Variants in FMNL2 observed in about 807,000 individuals in gnomAD.
The protein encoded by FMNL2 is formin like 2.
FMNL2 carries 51 observed loss-of-function variants against 130.2 expected under a neutral mutation model. The ratio of observed to expected loss-of-function variants is 0.39; its 90% CI spans 0.31 to 0.49. FMNL2 has a LOEUF of 0.49. Among genes scored for constraint, FMNL2 ranks in the 20% least tolerant of loss-of-function variants. The pLI is 0.85. For synonymous variants in FMNL2, 465 were observed against 467.1 expected (o/e 1.00, Z 0.06); for missense variants, 977 against 1,316.2 (o/e 0.74, Z 3.99).
At chr2:152,464,544 G>A (rs1039754931) in intron 1 of FMNL2, among the ~76,000 whole-genome samples, 3 of 152,168 alleles carry the variant, frequency 2.0e-5, no homozygotes, top group Non-Finnish European at 2.9e-5. Context: ...ACACGTTCAA[G>A]ATGTTTTCTC....
intron 1 of FMNL2, among the ~76,000 whole-genome samples, chr2:152,403,539 C>T (rs572041510): frequency 1.3e-5 from 2 of 152,128 alleles, no homozygotes; most frequent in South Asian, 2.1e-4. Context: ...CTTCTGTGTC[C>T]CTTTCTTGGC....
At chr2:152,447,589 A>G (rs1378489713) in intron 1 of FMNL2, among the ~76,000 whole-genome samples, 1 of 152,088 alleles carries the variant, frequency 6.6e-6, no homozygotes, top group Non-Finnish European at 1.5e-5. Flanking sequence ...GATGTAGTCA[A>G]TTTGTTACCA....
intron 15 of FMNL2, among the ~76,000 whole-genome samples, chr2:152,623,262 C>T (rs1201695782): frequency 6.6e-6 from 1 of 152,234 alleles, no homozygotes; most frequent in African/African-American, 2.4e-5. Context: ...TTCTGCTGCT[C>T]CCCAGATCCC....
At chr2:152,451,445 G>A (rs1034011987) in intron 1 of FMNL2, among the ~76,000 whole-genome samples, 4 of 152,104 alleles carry the variant, frequency 2.6e-5, no homozygotes, top group Admixed American at 6.5e-5. Context: ...ACTGCACCCT[G>A]CCTGTGTTCA....
chr2:152,438,928 A>G (rs1652095531), intron 1 of FMNL2, among the ~76,000 whole-genome samples: 1 of 152,216 alleles, frequency 6.6e-6, no homozygotes, highest in Admixed American at 6.5e-5. Flanking sequence ...TTATGTTTCT[A>G]GTACCCGAGA....
At chr2:152,534,564 CTTTT>C (rs10719527) in intron 2 of FMNL2, among the ~76,000 whole-genome samples, 50 of 131,556 alleles carry the variant, frequency 3.8e-4, no homozygotes, top group African/African-American at 1.2e-3. Context: ...CTTATTTTGT[CTTTT>C]TTTTTTTTTT....
intron 1 of FMNL2, among the ~76,000 whole-genome samples, chr2:152,341,515 TG>T (rs1681805459): frequency 6.6e-6 from 1 of 152,188 alleles, no homozygotes; most frequent in Non-Finnish European, 1.5e-5. Context: ...AGCATTGGCC[TG>T]GGAGGCAGGA....
intron 2 of FMNL2, among the ~76,000 whole-genome samples, chr2:152,539,943 A>C (rs1040453440): frequency 6.6e-6 from 1 of 152,134 alleles, no homozygotes; most frequent in Non-Finnish European, 1.5e-5. Context: ...TTAGAAAATT[A>C]GCTGGGCGTG....
At chr2:152,567,804 A>T (rs113166685) in intron 6 of FMNL2, among the ~76,000 whole-genome samples, 2,789 of 152,284 alleles carry the variant, frequency 0.018, 49 homozygotes, top group Middle Eastern at 0.037. Context: ...TTCTTTATTT[A>T]TAGGTAGATA....
rs1229431653 is a variant in FMNL2, at chr2:152,618,947, T to C, written c.1416T>C (p.Ile472=). ...IQRQSTLEKK[I]HELEKQGTIK... is the part of the protein sequence containing the mutation. The stretch of plus-strand genomic sequence containing the variant: ...GACAGTCTACCCTGGAAAAAAAGAT[T>C]CATGAGCTAGAGAAACAAGGGACCA... Residue 472 remains isoleucine, a synonymous_variant, in exon 14 of 26, where the codon ATT becomes ATC. Transcript: ENST00000288670. The C allele has an allele frequency of 2.5e-6, 4 of 1,614,002 alleles. No individual in the cohort carries two copies. Among genetic ancestry groups the C allele is most frequent in the African/African-American group, 1.3e-5 (1 of 75,048 alleles).
chr2:152,446,671 GA>G (rs1688354571), intron 1 of FMNL2, among the ~76,000 whole-genome samples: 1 of 152,212 alleles, frequency 6.6e-6, no homozygotes, highest in South Asian at 2.1e-4. Context: ...TGATCTAAAG[GA>G]AATGGAAGAG....
chr2:152,548,200 C>T (rs1427289720), intron 3 of FMNL2, among the ~76,000 whole-genome samples: 1 of 152,054 alleles, frequency 6.6e-6, no homozygotes. Context: ...AGAGGTAGCT[C>T]TGCATGCTTA....
At chr2:152,354,961 A>G (rs1682702978) in intron 1 of FMNL2, among the ~76,000 whole-genome samples, 1 of 152,188 alleles carries the variant, frequency 6.6e-6, no homozygotes, top group South Asian at 2.1e-4. Flanking sequence ...CCATTCTGTC[A>G]GGCTTCTTAT....
In FMNL2 at chr2:152,401,428, C is replaced by G. The variant is rs147212135; in HGVS notation, c.117+65708C>G. Among the ~76,000 whole-genome samples the G allele has an allele frequency of 9.8e-5, 15 of 152,326 alleles. No individual in the cohort carries two copies. In the East Asian group the frequency reaches 2.7e-3, roughly 27 times the overall value. On this transcript the variant is annotated intron_variant, in intron 1 of 25. Coordinates refer to ENST00000288670, the MANE Select transcript of FMNL2 (RefSeq NM_052905.4). ...CATACCTGGCACACTGCCTTTTCAC[C>G]TGGTAGATGCCCATGAGTTAGTTGA...
At chr2:152,466,755 C>T (rs1003230149) in intron 1 of FMNL2, among the ~76,000 whole-genome samples, 2 of 152,158 alleles carry the variant, frequency 1.3e-5, no homozygotes, top group Non-Finnish European at 2.9e-5. Context: ...CTGAACTTAG[C>T]TCTCCTTGTA....
At chr2:152,636,618 G>GA in intron 22 of FMNL2, 28 bp downstream of exon 22, 1 of 1,548,878 alleles carries the variant, frequency 6.5e-7, no homozygotes, top group South Asian at 1.2e-5. Context: ...TGAAACCTGT[G>GA]AAGAGGCTGC....
At chr2:152,361,027 A>G (rs1228205279) in intron 1 of FMNL2, among the ~76,000 whole-genome samples, 3 of 152,208 alleles carry the variant, frequency 2.0e-5, no homozygotes, top group African/African-American at 7.2e-5. Flanking sequence ...TGCATAATAA[A>G]CAGTGGGGAA....
At chr2:152,615,505 CTTTCTCATA>C (rs1698901066) in intron 12 of FMNL2, among the ~76,000 whole-genome samples, 1 of 152,136 alleles carries the variant, frequency 6.6e-6, no homozygotes, top group African/African-American at 2.4e-5. Context: ...CATCGGTGTG[CTTTCTCATA>C]TATCCTGTTC....
chr2:152,520,898 GT>G (rs1238809348), intron 1 of FMNL2, among the ~76,000 whole-genome samples: 2 of 152,152 alleles, frequency 1.3e-5, no homozygotes, highest in Admixed American at 6.5e-5. Context: ...AGGAGCTTGA[GT>G]ATTAAAAGTT....
Sources: gnomAD v4.1 joint callset for allele counts (sites outside exome capture counted in the v4.1 genomes callset) on GRCh38, gnomAD v4.1.1 for gene constraint, MANE v1.5 for transcripts, NCBI Gene and HGNC (gene_info 2026-07-23, HGNC 2026-07-21) for gene names.